The following ESRRG variants were observed in gnomAD, a reference collection of about 807,000 sequenced individuals.
The protein encoded by ESRRG is estrogen related receptor gamma.
Under a neutral mutation model 44.0 loss-of-function variants are expected in ESRRG, and 13 were observed. The observed-to-expected ratio is 0.30, with a 90% CI of 0.19 to 0.47. The LOEUF (loss-of-function observed/expected upper bound fraction) is 0.47. Among genes scored for constraint, ESRRG ranks in the 20% least tolerant of loss-of-function variants. The pLI is 1.00. For synonymous variants in ESRRG, 215 were observed against 214.6 expected (o/e 1.00, Z -0.02); for missense variants, 395 against 580.6 (o/e 0.68, Z 3.29).
At chr1:216,814,116 TG>T (rs376990906) in intron 2 of ESRRG, among the ~76,000 whole-genome samples, 1,714 of 131,516 alleles carry the variant, frequency 0.013, 31 homozygotes, top group African/African-American at 0.033. Flanking sequence ...TCCTTGGTCA[TG>T]GGAAAAAAAA....
chr1:216,760,696 C>T (rs1383796330), intron 2 of ESRRG, among the ~76,000 whole-genome samples: 1 of 152,008 alleles, frequency 6.6e-6, no homozygotes, highest in East Asian at 1.9e-4. Context: ...TAAGGGGAGG[C>T]TTAAGCAGAG....
At chr1:217,135,759 C>T (rs916680312) in intron 1 of ESRRG, among the ~76,000 whole-genome samples, 2 of 152,224 alleles carry the variant, frequency 1.3e-5, no homozygotes, top group African/African-American at 2.4e-5. Context: ...CGGGACACGA[C>T]GGAGTCGGGC....
intron 2 of ESRRG, among the ~76,000 whole-genome samples, chr1:216,773,106 G>T (rs1395439396): frequency 6.6e-6 from 1 of 152,038 alleles, no homozygotes; most frequent in African/African-American, 2.4e-5. Flanking sequence ...ATCAAGGCAT[G>T]AAAGAAATCT....
At chr1:216,908,851 G>A (rs1577997630) in intron 2 of ESRRG, among the ~76,000 whole-genome samples, 1 of 150,388 alleles carries the variant, frequency 6.6e-6, no homozygotes, top group African/African-American at 2.4e-5. Flanking sequence ...AAAACATAGA[G>A]CATCCTCTAC....
intron 1 of ESRRG, among the ~76,000 whole-genome samples, chr1:216,972,957 A>G (rs1175483594): frequency 6.6e-6 from 1 of 152,130 alleles, no homozygotes; most frequent in Non-Finnish European, 1.5e-5. Flanking sequence ...CTACATCTAA[A>G]CCATCGCCAG....
At chr1:216,645,331 A>AGTCATC (rs1346225053) in intron 3 of ESRRG, among the ~76,000 whole-genome samples, 1 of 152,084 alleles carries the variant, frequency 6.6e-6, no homozygotes, top group Non-Finnish European at 1.5e-5. Flanking sequence ...TCATTGATAT[A>AGTCATC]GTCATCATCA....
Position 217,057,682 on chromosome 1 carries a change from A to G in ESRRG, c.-106+31825T>C, listed in dbSNP as rs542047315. 1.6e-4 allele frequency among the ~76,000 whole-genome samples: 24 copies of G among 152,254 alleles called. No individual in the cohort carries two copies. In the South Asian group the frequency reaches 5.0e-3, roughly 32 times the overall value. ...AAAGGTGAAAAGGAGGAAAACTGAA[A>G]ACTCTGAAAGCAATAAAGAGATAAA... On this transcript the variant is annotated intron_variant, in intron 1 of 7. Coordinates refer to the ESRRG transcript ENST00000359162.
At chr1:216,867,872 G>T (rs2813690) in intron 2 of ESRRG, among the ~76,000 whole-genome samples, 75,536 of 151,686 alleles carry the variant, frequency 0.5, 21,638 homozygotes, top group African/African-American at 0.8. Context: ...ACAAAACAAT[G>T]CCCTGCCCTA....
intron 1 of ESRRG, among the ~76,000 whole-genome samples, chr1:216,955,900 T>C (rs2067861193): frequency 6.6e-6 from 1 of 152,134 alleles, no homozygotes; most frequent in Admixed American, 6.6e-5. Flanking sequence ...AATTATTTGT[T>C]TTGCTTTGTT....
intron 4 of ESRRG, 47 bp from the exon 5 acceptor site, chr1:216,564,427 C>T (rs757403612): frequency 6.8e-7 from 1 of 1,472,798 alleles, no homozygotes; most frequent in East Asian, 2.4e-5. Flanking sequence ...TAGTATCATC[C>T]CTCTTTTATA....
At chr1:216,761,652 A>T (rs949763813) in intron 2 of ESRRG, among the ~76,000 whole-genome samples, 3 of 152,162 alleles carry the variant, frequency 2.0e-5, no homozygotes. Flanking sequence ...CTTTGAAAAG[A>T]AGCAAAATTA....
At chr1:216,668,450 A>G (rs1409678366) in intron 2 of ESRRG, among the ~76,000 whole-genome samples, 1 of 152,224 alleles carries the variant, frequency 6.6e-6, no homozygotes, top group Non-Finnish European at 1.5e-5. Context: ...ACATAATGCT[A>G]TGTGTTTAAT....
Position 216,521,524 on chromosome 1 carries a change from G to A in ESRRG, c.863-2103C>T, listed in dbSNP as rs115706719. On this transcript the variant is annotated intron_variant, in intron 5 of 6. Coordinates refer to ENST00000408911, the MANE Select transcript of ESRRG (RefSeq NM_001438.4). ...CTTTTCAATTTGCCTTAGTTTTCTT[G>A]TTCCTTTTCATGCTCCCAAGTCGCA... 5.5e-3 allele frequency among the ~76,000 whole-genome samples: 829 copies of A among 152,056 alleles called. 8 individuals carry two copies. The highest frequency in any genetic ancestry group is 0.019 in the African/African-American group (797 of 41,494).
intron 2 of ESRRG, among the ~76,000 whole-genome samples, chr1:216,654,172 A>C (rs999303192): frequency 3.3e-5 from 5 of 151,876 alleles, no homozygotes; most frequent in Non-Finnish European, 5.9e-5. Flanking sequence ...TAAGTAAAAG[A>C]ATATACTTAT....
chr1:217,074,585 C>G (rs1580419317), intron 1 of ESRRG, among the ~76,000 whole-genome samples: 1 of 151,872 alleles, frequency 6.6e-6, no homozygotes. Flanking sequence ...TGCCTGTAAT[C>G]CTAGCACTTT....
In ESRRG at chr1:216,977,341, T is replaced by TACACACACAC. The variant is rs1553749984; in HGVS notation, c.-105-37678_-105-37669dup. 2.9e-3 allele frequency among the ~76,000 whole-genome samples: 420 copies of TACACACACAC among 144,052 alleles called. 2 individuals are homozygous for TACACACACAC. Among genetic ancestry groups the TACACACACAC allele is most frequent in the Middle Eastern group, 0.025 (7 of 282 alleles). 94.5% of individuals were successfully genotyped at this position (144,052 alleles called of 152,430 possible). On this transcript the variant is annotated intron_variant, in intron 1 of 7. Transcript: ENST00000359162. ...AAACAAAGTTTCCAAGGAGGATACA[T>TACACACACAC]ACACACACACACACACACACACACA... is the stretch of plus-strand genomic sequence containing the variant.
At chr1:216,858,203 CGAGGTGG>C (rs2095984660) in intron 2 of ESRRG, among the ~76,000 whole-genome samples, 1 of 113,808 alleles carries the variant, frequency 8.8e-6, no homozygotes, top group South Asian at 2.3e-4. Flanking sequence ...TTTGGGAGGC[CGAGGTGG>C]GTGGATCACG....
At chr1:216,765,409 T>A (rs2093025716) in intron 2 of ESRRG, among the ~76,000 whole-genome samples, 1 of 152,120 alleles carries the variant, frequency 6.6e-6, no homozygotes, top group Non-Finnish European at 1.5e-5. Flanking sequence ...AAGGCAGCCC[T>A]GTGATCACCC....
chr1:216,679,718 C>A (rs976031281), intron 1 of ESRRG, among the ~76,000 whole-genome samples: 6 of 146,820 alleles, frequency 4.1e-5, no homozygotes, highest in Non-Finnish European at 8.9e-5. Context: ...CCCTCTCTCT[C>A]TTTTCCTGTA....
Sources: allele counts gnomAD v4.1 joint callset (sites outside exome capture counted in the v4.1 genomes callset), GRCh38; gene constraint gnomAD v4.1.1; transcripts MANE v1.5; gene names NCBI Gene and HGNC (gene_info 2026-07-23, HGNC 2026-07-21).